The following NEIL2 variants were observed in gnomAD, a reference collection of about 807,000 sequenced individuals.
The protein encoded by NEIL2 is endonuclease 8-like 2.
NEIL2 carries 23 observed loss-of-function variants against 22.2 expected under a neutral mutation model. The ratio of observed to expected loss-of-function variants is 1.04; its 90% CI spans 0.75 to 1.47. The LOEUF is 1.47. Ranked by LOEUF, NEIL2 falls within the 40% of genes most tolerant of loss-of-function variation. The pLI, the probability that NEIL2 is intolerant of heterozygous loss-of-function variation, is 0.00. For synonymous variants in NEIL2, 229 were observed against 164.8 expected, an observed-to-expected ratio of 1.39 and a Z score of -2.99; for missense variants, 583 against 404.7, an observed-to-expected ratio of 1.44 and a Z score of -3.78.
At chr8:11,781,830 C>G (rs1281538704) in intron 3 of NEIL2, among the ~76,000 whole-genome samples, 1 of 152,080 alleles carries the variant, frequency 6.6e-6, no homozygotes, top group African/African-American at 2.4e-5. Flanking sequence ...GAGGCTGAGA[C>G]AGGAGGATCA....
rs757752761 is a variant in NEIL2 at position 11,779,879 on chromosome 8, C to T, written c.420C>T (p.Ser140=). ...WLRVSFGLFG[S]VWVNDFSRAK... ...GTGTCAGCTTTGGTTTGTTTGGCAG[C>T]GTTTGGGTGAACGATTTCTCCAGAG... The change falls in exon 3 of 5, where the codon AGC becomes AGT. Residue 140 remains serine, a synonymous_variant. Coordinates refer to ENST00000284503, the MANE Select transcript of NEIL2 (RefSeq NM_145043.4). 9.9e-6 allele frequency: 16 copies of T among 1,613,934 alleles called. No homozygotes were observed. Among genetic ancestry groups the T allele is most frequent in the African/African-American group, 1.3e-5 (1 of 74,862 alleles).
At chr8:11,773,303 C>G (rs1803631872) in intron 2 of NEIL2, among the ~76,000 whole-genome samples, 1 of 152,080 alleles carries the variant, frequency 6.6e-6, no homozygotes, top group African/African-American at 2.4e-5. Flanking sequence ...CCCAGTAAAC[C>G]AAGCAGAAAA....
At chr8:11,778,298 T>TTTTTTTTTA (rs1804083329) in intron 2 of NEIL2, among the ~76,000 whole-genome samples, 3 of 151,966 alleles carry the variant, frequency 2.0e-5, no homozygotes, top group Non-Finnish European at 1.5e-5. Context: ...CAGTTTTTTT[T>TTTTTTTTTA]TTTTTTTTTT....
At chr8:11,774,878 T>A (rs1052925789) in intron 2 of NEIL2, among the ~76,000 whole-genome samples, 2 of 152,240 alleles carry the variant, frequency 1.3e-5, no homozygotes, top group African/African-American at 4.8e-5. Context: ...CAGGGCACGC[T>A]GATGCAAGAG....
In NEIL2 at chr8:11,783,344, C is replaced by G. The variant is rs112549959; in HGVS notation, c.633C>G (p.Gly211=). 1.2e-6 allele frequency: 2 copies of G among 1,614,172 alleles called. No homozygotes were observed. The highest frequency in any genetic ancestry group is 1.1e-5 in the South Asian group (1 of 91,086). The part of the protein sequence containing the change: ...FHRGQALEAL[G]QAQPVCYTLL... ...GAGGACAAGCCTTAGAAGCTCTAGGCCAGGCTCAGCCTGTCTGCTATACAC... is the reference window on the plus strand; with the variant it reads ...GAGGACAAGCCTTAGAAGCTCTAGGGCAGGCTCAGCCTGTCTGCTATACAC... Residue 211 remains glycine (G), a synonymous_variant, in exon 4 of 5, where the codon GGC becomes GGG. Coordinates refer to ENST00000284503, the MANE Select transcript of NEIL2 (RefSeq NM_145043.4).
At chr8:11,777,997 T>A (rs1169382933) in intron 2 of NEIL2, among the ~76,000 whole-genome samples, 1 of 152,220 alleles carries the variant, frequency 6.6e-6, no homozygotes, top group Non-Finnish European at 1.5e-5. Flanking sequence ...AGAGCCTTAT[T>A]CATCTGTTTG....
intron 3 of NEIL2, among the ~76,000 whole-genome samples, chr8:11,780,175 G>C (rs1804287028): frequency 6.6e-6 from 1 of 152,070 alleles, no homozygotes; most frequent in African/African-American, 2.4e-5. Flanking sequence ...CTGGGAGAAG[G>C]GGAGAATTTT....
Position 11,786,699 on chromosome 8 carries a change from G to A in NEIL2, c.*426G>A, listed in dbSNP as rs1395960905. ...CTGTCTCCCTGGCTAGGGTGTGGTGGTGTGATCTTGGCTCACGGCAGCCTT... is the reference window on the plus strand; with the variant it reads ...CTGTCTCCCTGGCTAGGGTGTGGTGATGTGATCTTGGCTCACGGCAGCCTT... On this transcript the variant is annotated 3_prime_UTR_variant, in exon 5 of 5. Coordinates refer to ENST00000284503, the MANE Select transcript of NEIL2 (RefSeq NM_145043.4). The A allele has an allele frequency of 4.1e-6, 1 of 242,474 alleles. No individual in the cohort carries two copies. The highest frequency in any genetic ancestry group is 1.2e-4 in the East Asian group (1 of 8,400). 15.0% of individuals were successfully genotyped at this position (242,474 alleles called of 1,614,324 possible). A position where few individuals can be genotyped will look rare whatever the true frequency, so the allele number is the denominator to read the frequency against.
chr8:11,780,844 A>C (rs1419609961), intron 3 of NEIL2, among the ~76,000 whole-genome samples: 1 of 152,202 alleles, frequency 6.6e-6, no homozygotes, highest in Non-Finnish European at 1.5e-5. Flanking sequence ...GGAAAGTGCT[A>C]GCTGAGCTGA....
At chr8:11,771,711 A>C (rs1352113940) in intron 2 of NEIL2, 126 bp downstream of exon 2, 1 of 930,188 alleles carries the variant, frequency 1.1e-6, no homozygotes, top group Admixed American at 2.5e-5. Flanking sequence ...GACTCCATGC[A>C]GCTCCCTCTT....
chr8:11,774,795 T>C (rs1460506295), intron 2 of NEIL2, among the ~76,000 whole-genome samples: 1 of 152,248 alleles, frequency 6.6e-6, no homozygotes, highest in East Asian at 1.9e-4. Context: ...ACAGGCCCCA[T>C]GCAAGTCTGA....
At position 11,774,472 on chromosome 8, in the gene NEIL2, C is replaced by A. The variant is rs577473409; in HGVS notation, c.138+2887C>A. 3.6e-4 allele frequency among the ~76,000 whole-genome samples: 55 copies of A among 152,282 alleles called. 1 individual carries two copies. In the South Asian group the frequency reaches 0.011, roughly 31 times the overall value. On this transcript the variant is annotated intron_variant, in intron 2 of 4. Transcript: ENST00000284503. ...CAATTACCTCCCACTGGGTACCTCC[C>A]ACCAGGTCCGTCCCATAACACATGG...
At chr8:11,773,857 C>T (rs188661025) in intron 2 of NEIL2, among the ~76,000 whole-genome samples, 1 of 152,256 alleles carries the variant, frequency 6.6e-6, no homozygotes, top group African/African-American at 2.4e-5. Flanking sequence ...TTCTCCTCCT[C>T]CAGTAATGGA....
At position 11,771,595 on chromosome 8, in the gene NEIL2, T is replaced by G. The variant is rs1263131151; in HGVS notation, c.138+10T>G. 3 of 1,612,628 alleles carry G rather than the reference T, an allele frequency of 1.9e-6. No homozygotes were observed. The African/African-American group carries it at 4.0e-5, about 22-fold the overall frequency. ...GCTCCAGGACACCCAGGTGAGGTAA[T>G]ACTCCTCTGAAGGGTTGGCTCTGTC... is the stretch of plus-strand genomic sequence containing the variant. On this transcript the variant is annotated intron_variant, in intron 2 of 4. Transcript: ENST00000284503.
At position 11,769,953 on chromosome 8, in the gene NEIL2, G is replaced by C. The variant is rs1803284582; in HGVS notation, c.-385G>C. ...CACTGACCCTCAGACCCGCGTCTGC[G>C]CCCCTCTCCCCGCACCCCGAGGCAG... is the stretch of plus-strand genomic sequence containing the variant. On this transcript the variant is annotated 5_prime_UTR_variant, in exon 1 of 5. Transcript: ENST00000284503. The C allele has an allele frequency of 6.6e-6, 1 of 152,282 alleles. No individual in the cohort carries two copies. The highest frequency in any genetic ancestry group is 2.4e-5 in the African/African-American group (1 of 41,420). The allele number at this position is 152,282 out of a possible 1,614,324, so 9.4% of individuals were successfully genotyped here.
At position 11,771,591 on chromosome 8, in the gene NEIL2, G is replaced by A. The variant is rs1340685024; in HGVS notation, c.138+6G>A. On this transcript the variant is annotated splice_donor_region_variant and intron_variant, in intron 2 of 4. Transcript: ENST00000284503. Reference sequence around the variant, plus strand: ...TGTGGCTCCAGGACACCCAGGTGAGGTAATACTCCTCTGAAGGGTTGGCTC... The same window carrying A: ...TGTGGCTCCAGGACACCCAGGTGAGATAATACTCCTCTGAAGGGTTGGCTC... The A allele has an allele frequency of 6.2e-7, 1 of 1,613,102 alleles. No homozygotes were observed.
In NEIL2 at chr8:11,779,937, G is replaced by C; in HGVS notation, c.478G>C (p.Asp160His). ...AGCCAACAAGAGGGGGGACTGGAGG[G>C]ACCCTTCCCCGAGGTAATGGTGTGG... ...KKANKRGDWR[D>H]PSPRLVLHFG... The change falls in exon 3 of 5, where the codon GAC becomes CAC. Residue 160 changes from aspartate (D) to histidine (H), a missense_variant. Physicochemically the swap from Asp to His is moderately conservative, Grantham distance 81 (BLOSUM62 -1). Coordinates refer to ENST00000284503, the MANE Select transcript of NEIL2 (RefSeq NM_145043.4). 6.2e-7 allele frequency: 1 copy of C among 1,613,566 alleles called. No homozygotes were observed. The highest frequency in any genetic ancestry group is 8.5e-7 in the Non-Finnish European group (1 of 1,179,736).
At chr8:11,772,034 C>G (rs1342382048) in intron 2 of NEIL2, among the ~76,000 whole-genome samples, 1 of 152,212 alleles carries the variant, frequency 6.6e-6, no homozygotes, top group Middle Eastern at 3.4e-3. Flanking sequence ...GAAACCCCGT[C>G]TCTACTAAAA....
chr8:11,786,645 G>C lies in NEIL2; in HGVS notation c.*372G>C, dbSNP rs866480647. 1.5e-5 allele frequency: 3 copies of C among 200,514 alleles called. No individual in the cohort carries two copies. The highest frequency in any genetic ancestry group is 1.4e-4 in the African/African-American group (3 of 21,438). 12.4% of individuals were successfully genotyped at this position (200,514 alleles called of 1,614,324 possible). A position where few individuals can be genotyped will look rare whatever the true frequency, so the allele number is the denominator to read the frequency against. On this transcript the variant is annotated 3_prime_UTR_variant, in exon 5 of 5. Coordinates refer to ENST00000284503, the MANE Select transcript of NEIL2 (RefSeq NM_145043.4). The stretch of plus-strand genomic sequence containing the variant: ...TGATGTGGGTTTTTTTTTTTTTTTT[G>C]GTTGTTTGTTTTGAGAGAGAGTCTT...
Sources: allele counts gnomAD v4.1 joint callset (sites outside exome capture counted in the v4.1 genomes callset), GRCh38; gene constraint gnomAD v4.1.1; transcripts MANE v1.5; gene names NCBI Gene and HGNC (gene_info 2026-07-23, HGNC 2026-07-21).